WDR72: variants seen among roughly 807,000 people sequenced by gnomAD.
WDR72 encodes WD repeat domain 72.
WDR72 carries 120 observed loss-of-function variants against 124.2 expected under a neutral mutation model. The observed-to-expected ratio is 0.97, with a 90% CI of 0.83 to 1.12. WDR72 has a LOEUF of 1.12. Ranked by LOEUF, WDR72 falls within the 50% of genes most tolerant of loss-of-function variation. WDR72 has a pLI of 0.00. For synonymous variants in WDR72, 452 were observed against 441.7 expected (o/e 1.02, Z -0.29); for missense variants, 1,387 against 1,278.8 (o/e 1.08, Z -1.29).
chr15:53,740,808 T>C (rs148299290), intron 1 of WDR72, among the ~76,000 whole-genome samples: 165 of 152,312 alleles, frequency 1.1e-3, no homozygotes, highest in African/African-American at 3.5e-3. Flanking sequence ...AGGCTAGACT[T>C]AAATTTGAGC....
chr15:53,531,288 A>G (rs1892451214), intron 18 of WDR72, among the ~76,000 whole-genome samples: 1 of 143,776 alleles, frequency 7.0e-6, no homozygotes, highest in Admixed American at 6.9e-5. Context: ...TTACAACTAT[A>G]TGATAACGCA....
intron 13 of WDR72, among the ~76,000 whole-genome samples, chr15:53,687,130 C>A (rs1302111919): frequency 6.7e-6 from 1 of 148,172 alleles, no homozygotes; most frequent in Non-Finnish European, 1.5e-5. Flanking sequence ...AAATTGACAC[C>A]CTAACATCAC....
intron 1 of WDR72, among the ~76,000 whole-genome samples, chr15:53,743,840 T>C (rs376119611): frequency 2.6e-5 from 4 of 151,954 alleles, no homozygotes; most frequent in East Asian, 3.9e-4. Context: ...CCGGGCGTGG[T>C]GGTGGGCGCC....
intron 14 of WDR72, among the ~76,000 whole-genome samples, chr15:53,641,836 T>G (rs2014863860): frequency 6.6e-6 from 1 of 151,908 alleles, no homozygotes; most frequent in Non-Finnish European, 1.5e-5. Flanking sequence ...AACATTATTT[T>G]TTGTTTTATT....
intron 14 of WDR72, among the ~76,000 whole-genome samples, chr15:53,660,492 T>C (rs1002544487): frequency 6.6e-5 from 10 of 152,122 alleles, no homozygotes; most frequent in African/African-American, 2.4e-4. Flanking sequence ...ATACACCAGC[T>C]GTTTTTTACA....
chr15:53,634,459 C>T (rs1276324128), intron 14 of WDR72, among the ~76,000 whole-genome samples: 2 of 152,112 alleles, frequency 1.3e-5, no homozygotes, highest in Admixed American at 6.6e-5. Context: ...TTGGGCCACA[C>T]ATAAAATATA....
chr15:53,734,385 T>C (rs2018289923), intron 1 of WDR72, among the ~76,000 whole-genome samples: 1 of 152,228 alleles, frequency 6.6e-6, no homozygotes, highest in Non-Finnish European at 1.5e-5. Flanking sequence ...ATTGCAATTC[T>C]GAATACCAGG....
At chr15:53,592,627 C>T (rs1364099665) in intron 18 of WDR72, among the ~76,000 whole-genome samples, 1 of 152,014 alleles carries the variant, frequency 6.6e-6, no homozygotes, top group East Asian at 1.9e-4. Flanking sequence ...TTTGATGCAT[C>T]GTTTTCACAA....
chr15:53,695,560 G>A (rs1374691883), intron 13 of WDR72, among the ~76,000 whole-genome samples: 1 of 152,078 alleles, frequency 6.6e-6, no homozygotes, highest in Non-Finnish European at 1.5e-5. Flanking sequence ...GGGACATCCG[G>A]CAAATCAATA....
chr15:53,617,543 T>C (rs1906408), intron 14 of WDR72, among the ~76,000 whole-genome samples: 11,978 of 151,654 alleles, frequency 0.079, 1,581 homozygotes, highest in African/African-American at 0.28. Context: ...GAACAAATTA[T>C]AAGAGCAAAT....
chr15:53,746,200 C>T (rs992729604), intron 1 of WDR72, among the ~76,000 whole-genome samples: 7 of 152,258 alleles, frequency 4.6e-5, no homozygotes, highest in Non-Finnish European at 7.4e-5. Flanking sequence ...TCTTCTTCCC[C>T]GTAACAATTT....
chr15:53,657,263 CAAAAAAAAAAA>C (rs10549551), intron 14 of WDR72, among the ~76,000 whole-genome samples: 5 of 56,400 alleles, frequency 8.9e-5, no homozygotes, highest in South Asian at 1.1e-3. Flanking sequence ...GACTCCATCT[CAAAAAAAAAAA>C]AAAAAAAAAA....
rs774403190 is a variant in WDR72 at position 53,733,157 on chromosome 15, G to A, written c.-8C>T. The A allele has an allele frequency of 3.7e-6, 6 of 1,613,620 alleles. No individual in the cohort carries two copies. Among genetic ancestry groups the A allele is most frequent in the South Asian group, 3.3e-5 (3 of 91,088 alleles). ...CTGCAGGGAAGTCCTCATTTTGGGC[G>A]AATCCTGACATACAAAGAAGGGAAG... On this transcript the variant is annotated 5_prime_UTR_variant, in exon 2 of 20. Transcript: ENST00000360509.
chr15:53,689,582 A>G lies in WDR72; in HGVS notation c.1765+10168T>C, dbSNP rs1255574950. Among the ~76,000 whole-genome samples, 3 of 147,490 alleles carry G rather than the reference A, an allele frequency of 2.0e-5. No homozygotes were observed. In the East Asian group the frequency reaches 6.0e-4, roughly 30 times the overall value. On this transcript the variant is annotated intron_variant, in intron 13 of 19. Transcript: ENST00000360509. The stretch of plus-strand genomic sequence containing the variant: ...CAGGAAACAACAGGTGCTGGAGAGG[A>G]TGTGGAGAAATAGGAACACTTTTAC...
At chr15:53,522,222 G>T (rs563607534) in intron 19 of WDR72, among the ~76,000 whole-genome samples, 1 of 152,140 alleles carries the variant, frequency 6.6e-6, no homozygotes, top group South Asian at 2.1e-4. Flanking sequence ...AACTCTCCTT[G>T]GGGAAGGATC....
chr15:53,740,028 C>T (rs373054801), intron 1 of WDR72, among the ~76,000 whole-genome samples: 1 of 152,156 alleles, frequency 6.6e-6, no homozygotes, highest in East Asian at 1.9e-4. Flanking sequence ...TAACATTACA[C>T]TAAGGGATAA....
chr15:53,670,506 G>C (rs1262572219), intron 13 of WDR72, among the ~76,000 whole-genome samples: 2 of 152,116 alleles, frequency 1.3e-5, no homozygotes, highest in East Asian at 1.9e-4. Flanking sequence ...GCACAACCCT[G>C]CCCATGTTCT....
At chr15:53,602,978 C>G (rs2013113180) in intron 17 of WDR72, among the ~76,000 whole-genome samples, 1 of 152,174 alleles carries the variant, frequency 6.6e-6, no homozygotes, top group Non-Finnish European at 1.5e-5. Flanking sequence ...TCGTCCCTAA[C>G]TCATTCTATG....
At chr15:53,726,518 A>G (rs1283696739) in intron 2 of WDR72, among the ~76,000 whole-genome samples, 3 of 152,004 alleles carry the variant, frequency 2.0e-5, no homozygotes. Context: ...CCTACATTAC[A>G]AACAAAATTT....
Sources: gnomAD v4.1 joint callset for allele counts (sites outside exome capture counted in the v4.1 genomes callset) on GRCh38, gnomAD v4.1.1 for gene constraint, MANE v1.5 for transcripts, NCBI Gene and HGNC (gene_info 2026-07-23, HGNC 2026-07-21) for gene names.